CPQ: variants seen among roughly 807,000 people sequenced by gnomAD.
CPQ encodes Ser-Met dipeptidase.
CPQ carries 37 observed loss-of-function variants against 45.7 expected under a neutral mutation model. The observed-to-expected ratio is 0.81, with a 90% CI of 0.62 to 1.07. The LOEUF is 1.07. Among genes scored for constraint, CPQ ranks in the 50% least tolerant of loss-of-function variants. The probability of loss-of-function intolerance (pLI) is 0.00; values close to 1 mark genes in which losing one functional copy is unlikely to be tolerated. For synonymous variants in CPQ, 186 were observed against 205.8 expected, an observed-to-expected ratio of 0.90 and a Z score of 0.82; for missense variants, 537 against 572.9, an observed-to-expected ratio of 0.94 and a Z score of 0.64.
chr8:96,885,990 A>T (rs897439089), intron 4 of CPQ, among the ~76,000 whole-genome samples: 4 of 149,036 alleles, frequency 2.7e-5, no homozygotes, highest in Non-Finnish European at 6.0e-5. Flanking sequence ...GAAAAAAAAA[A>T]GCCAATAATG....
chr8:96,802,085 T>G (rs912226606), intron 2 of CPQ, among the ~76,000 whole-genome samples: 1 of 152,166 alleles, frequency 6.6e-6, no homozygotes, highest in Non-Finnish European at 1.5e-5. Context: ...TTTCTTTCTC[T>G]TTATCTCCCT....
intron 1 of CPQ, among the ~76,000 whole-genome samples, chr8:96,719,919 G>C (rs907368508): frequency 1.3e-5 from 2 of 152,146 alleles, no homozygotes; most frequent in Non-Finnish European, 2.9e-5. Context: ...TCACATTCAG[G>C]GGACTTACGG....
chr8:97,071,538 C>T (rs1294217222), intron 7 of CPQ, among the ~76,000 whole-genome samples: 1 of 152,122 alleles, frequency 6.6e-6, no homozygotes, highest in African/African-American at 2.4e-5. Flanking sequence ...CAAATCCCTG[C>T]TATTTCTTAA....
At chr8:97,026,995 G>C (rs138449702) in intron 5 of CPQ, among the ~76,000 whole-genome samples, 1 of 152,222 alleles carries the variant, frequency 6.6e-6, no homozygotes, top group Non-Finnish European at 1.5e-5. Context: ...TATTTTACTG[G>C]TAGGTGCGGA....
chr8:96,828,371 G>A (rs1008549439), intron 2 of CPQ, among the ~76,000 whole-genome samples: 3 of 151,826 alleles, frequency 2.0e-5, no homozygotes, highest in African/African-American at 4.8e-5. Context: ...GCCTTCTATC[G>A]TCATTCTCTC....
At chr8:96,730,782 C>T (rs977195432) in intron 1 of CPQ, among the ~76,000 whole-genome samples, 13 of 149,076 alleles carry the variant, frequency 8.7e-5, no homozygotes, top group African/African-American at 1.7e-4. Context: ...GCCAGGGCAA[C>T]GGGCTTTTTA....
intron 1 of CPQ, among the ~76,000 whole-genome samples, chr8:96,652,764 C>G (rs557742198): frequency 6.6e-5 from 10 of 152,182 alleles, no homozygotes; most frequent in Non-Finnish European, 1.5e-4. Context: ...TCCTGAGTAG[C>G]TGGGACTACC....
chr8:96,794,729 A>G (rs1810903160), intron 2 of CPQ, among the ~76,000 whole-genome samples: 1 of 152,152 alleles, frequency 6.6e-6, no homozygotes, highest in Admixed American at 6.6e-5. Flanking sequence ...CACATCTTGA[A>G]TGCTTTGCTG....
chr8:96,802,671 A>G (rs1318644444), intron 2 of CPQ, among the ~76,000 whole-genome samples: 1 of 152,168 alleles, frequency 6.6e-6, no homozygotes, highest in Non-Finnish European at 1.5e-5. Context: ...TAGATGGCTT[A>G]AAGGTTTTAG....
chr8:97,060,748 G>A (rs988682756), intron 6 of CPQ, among the ~76,000 whole-genome samples: 2 of 152,130 alleles, frequency 1.3e-5, no homozygotes, highest in African/African-American at 2.4e-5. Context: ...TGGGTGAAAT[G>A]AGCATTACTC....
chr8:96,960,033 A>C (rs949133994), intron 4 of CPQ, among the ~76,000 whole-genome samples: 1 of 152,192 alleles, frequency 6.6e-6, no homozygotes, highest in Non-Finnish European at 1.5e-5. Flanking sequence ...GAATGTGGTC[A>C]GGTTTAGATG....
chr8:96,682,209 T>C (rs1000153453), intron 1 of CPQ, among the ~76,000 whole-genome samples: 5 of 152,152 alleles, frequency 3.3e-5, no homozygotes, highest in African/African-American at 1.2e-4. Flanking sequence ...CACCCAAATC[T>C]CATGTTGAAT....
At chr8:97,052,015 C>T (rs1013359845) in intron 6 of CPQ, among the ~76,000 whole-genome samples, 4 of 152,150 alleles carry the variant, frequency 2.6e-5, no homozygotes, top group African/African-American at 9.7e-5. Flanking sequence ...CTGACTAATG[C>T]TTTTTATTCA....
At chr8:97,056,612 A>AGGAG (rs1316067531) in intron 6 of CPQ, 1 of 152,208 alleles carries the variant, frequency 6.6e-6, no homozygotes, top group Non-Finnish European at 1.5e-5. Flanking sequence ...CAAAAATTCT[A>AGGAG]GGAGGGACAA....
intron 6 of CPQ, among the ~76,000 whole-genome samples, chr8:97,043,078 C>G (rs1563563632): frequency 1.3e-5 from 2 of 151,808 alleles, no homozygotes. Flanking sequence ...CTAATGTTGA[C>G]AGTGGGGTGT....
chr8:97,065,076 G>T (rs1018173370), intron 6 of CPQ, among the ~76,000 whole-genome samples: 1 of 152,154 alleles, frequency 6.6e-6, no homozygotes, highest in Admixed American at 6.6e-5. Flanking sequence ...TTTTTACTAG[G>T]TGAGTAATGA....
chr8:96,774,536 A>C (rs987106332), intron 1 of CPQ, among the ~76,000 whole-genome samples: 2 of 152,100 alleles, frequency 1.3e-5, no homozygotes, highest in African/African-American at 4.8e-5. Flanking sequence ...TGATGGTAAG[A>C]GTGAAGAGGA....
chr8:96,951,327 G>T (rs941271658), intron 4 of CPQ, among the ~76,000 whole-genome samples: 1 of 152,074 alleles, frequency 6.6e-6, no homozygotes, highest in African/African-American at 2.4e-5. Flanking sequence ...TCCCGTTCTG[G>T]ATATTCTCCC....
chr8:97,005,911 G>GT (rs1177164000), intron 5 of CPQ, among the ~76,000 whole-genome samples: 1 of 151,994 alleles, frequency 6.6e-6, no homozygotes, highest in Non-Finnish European at 1.5e-5. Flanking sequence ...CTGAATAATG[G>GT]GAACCTAAAA....
Sources: gnomAD v4.1 joint callset for allele counts (sites outside exome capture counted in the v4.1 genomes callset) on GRCh38, gnomAD v4.1.1 for gene constraint, MANE v1.5 for transcripts, NCBI Gene and HGNC (gene_info 2026-07-23, HGNC 2026-07-21) for gene names.